The following DGKI variants were observed in gnomAD, a reference collection of about 807,000 sequenced individuals.
The protein encoded by DGKI is DAG kinase iota.
A neutral mutation model predicts 147.5 loss-of-function variants in DGKI; 55 were observed. The ratio of observed to expected loss-of-function variants is 0.37; its 90% CI spans 0.30 to 0.47. DGKI has a LOEUF of 0.47. Among genes scored for constraint, DGKI ranks in the 20% least tolerant of loss-of-function variants. The pLI is 1.00. For synonymous variants in DGKI, 469 were observed against 477.1 expected (o/e 0.98, Z 0.22); for missense variants, 1,007 against 1,323.8 (o/e 0.76, Z 3.71).
intron 6 of DGKI, among the ~76,000 whole-genome samples, chr7:137,643,313 A>G: frequency 6.6e-6 from 1 of 150,980 alleles, no homozygotes; most frequent in African/African-American, 2.4e-5. Flanking sequence ...AAAAAAAAAA[A>G]AAAGTCTATG....
chr7:137,502,264 G>A (rs2128943065), intron 21 of DGKI, among the ~76,000 whole-genome samples: 1 of 152,220 alleles, frequency 6.6e-6, no homozygotes, highest in Admixed American at 6.5e-5. Flanking sequence ...TTACGTGAGT[G>A]AATCATACTC....
Position 137,628,265 on chromosome 7 carries a change from C to T in DGKI, c.805-4711G>A, listed in dbSNP as rs1821013217. 2.6e-5 allele frequency among the ~76,000 whole-genome samples: 4 copies of T among 152,166 alleles called. No homozygotes were observed. The South Asian group carries it at 8.3e-4, about 32-fold the overall frequency. On this transcript the variant is annotated intron_variant, in intron 6 of 32. Transcript: ENST00000614521. Reference sequence around the variant, plus strand: ...CCGATACTAGAAACAAACAATAAGGCCAATCACAATTGGGGCACTGGGCAC... The same window carrying T: ...CCGATACTAGAAACAAACAATAAGGTCAATCACAATTGGGGCACTGGGCAC...
chr7:137,771,841 C>T (rs1235574845), intron 1 of DGKI: 1 of 152,174 alleles, frequency 6.6e-6, no homozygotes, highest in Non-Finnish European at 1.5e-5. Flanking sequence ...TTGTCTCCAA[C>T]TCGAACTGGG....
Position 137,846,960 on chromosome 7 carries a change from G to T in DGKI, c.-98C>A. Reference sequence around the variant, plus strand: ...CGCTCCCCGCCTCCCGCGCCCTCCCGCGCCGGCCCGCACCCTCCAGCCCCG... The same window carrying T: ...CGCTCCCCGCCTCCCGCGCCCTCCCTCGCCGGCCCGCACCCTCCAGCCCCG... On this transcript the variant is annotated 5_prime_UTR_variant, in exon 1 of 33. Coordinates refer to ENST00000614521, the MANE Select transcript of DGKI (RefSeq NM_001321708.2). The surrounding 1 kb of genome is among the most constrained non-coding windows in gnomAD (Gnocchi z 4.0). The T allele has an allele frequency of 1.1e-6, 1 of 931,022 alleles. No individual in the cohort carries two copies. The highest frequency in any genetic ancestry group is 1.3e-6 in the Non-Finnish European group (1 of 770,802). The allele number at this position is 931,022 out of a possible 1,614,324, so 57.7% of individuals were successfully genotyped here.
At chr7:137,412,244 A>G in intron 28 of DGKI, 37 bp from the exon 29 acceptor site, 1 of 1,584,426 alleles carries the variant, frequency 6.3e-7, no homozygotes, top group South Asian at 1.1e-5. Context: ...CATTAGTAGA[A>G]GACCCTCTTA....
intron 1 of DGKI, among the ~76,000 whole-genome samples, chr7:137,715,920 AG>A (rs1226438968): frequency 1.3e-5 from 2 of 152,162 alleles, no homozygotes; most frequent in East Asian, 1.9e-4. Context: ...TGCTGTCAAG[AG>A]GGGAAAGCAG....
chr7:137,728,957 G>T (rs962995676), intron 1 of DGKI, among the ~76,000 whole-genome samples: 1 of 152,068 alleles, frequency 6.6e-6, no homozygotes, highest in Admixed American at 6.6e-5. Flanking sequence ...TTGGGTGATA[G>T]GCCATCTGCC....
intron 27 of DGKI, among the ~76,000 whole-genome samples, chr7:137,452,305 T>C (rs1314170777): frequency 1.3e-5 from 2 of 152,182 alleles, no homozygotes; most frequent in Non-Finnish European, 2.9e-5. Context: ...CCACAGACTA[T>C]GGATGGAGTA....
intron 1 of DGKI, among the ~76,000 whole-genome samples, chr7:137,834,254 T>C (rs1326497549): frequency 6.6e-6 from 1 of 152,206 alleles, no homozygotes; most frequent in Non-Finnish European, 1.5e-5. Flanking sequence ...GGGAAGTCAA[T>C]GTTTTAGATC....
intron 21 of DGKI, among the ~76,000 whole-genome samples, chr7:137,517,328 AAAGAAAG>A (rs1816805478): frequency 7.1e-6 from 1 of 141,470 alleles, no homozygotes; most frequent in African/African-American, 2.7e-5. Context: ...AGAAAGAAAG[AAAGAAAG>A]AAAGAGAAAG....
At chr7:137,739,647 T>G (rs1056934106) in intron 1 of DGKI, among the ~76,000 whole-genome samples, 3 of 152,094 alleles carry the variant, frequency 2.0e-5, no homozygotes, top group Non-Finnish European at 2.9e-5. Context: ...GCACACAACA[T>G]AGTCAGAATG....
chr7:137,451,330 C>T (rs910004466), intron 27 of DGKI, among the ~76,000 whole-genome samples: 1 of 152,160 alleles, frequency 6.6e-6, no homozygotes, highest in South Asian at 2.1e-4. Context: ...AGAGATATCA[C>T]AAATCAGGGA....
chr7:137,675,764 G>A (rs1459003211), intron 3 of DGKI, among the ~76,000 whole-genome samples: 5 of 151,796 alleles, frequency 3.3e-5, no homozygotes. Flanking sequence ...GAGCAAAGAG[G>A]GAAACAGGAG....
chr7:137,549,633 T>C (rs1396635224), intron 20 of DGKI, among the ~76,000 whole-genome samples: 2 of 152,226 alleles, frequency 1.3e-5, no homozygotes, highest in African/African-American at 2.4e-5. Context: ...TCTTTCTTCA[T>C]TGTTTCAAAT....
chr7:137,535,467 T>C (rs899315712), intron 20 of DGKI, among the ~76,000 whole-genome samples: 4 of 151,998 alleles, frequency 2.6e-5, no homozygotes, highest in South Asian at 2.1e-4. Context: ...TTCATAAATG[T>C]TTCCCCCTCC....
chr7:137,791,950 A>G (rs1796867232), intron 1 of DGKI, among the ~76,000 whole-genome samples: 1 of 152,252 alleles, frequency 6.6e-6, no homozygotes, highest in Non-Finnish European at 1.5e-5. Flanking sequence ...GCCACAACTC[A>G]TTAAGTTGGC....
intron 1 of DGKI, among the ~76,000 whole-genome samples, chr7:137,734,309 A>G (rs1794963448): frequency 6.6e-6 from 1 of 152,032 alleles, no homozygotes; most frequent in Non-Finnish European, 1.5e-5. Flanking sequence ...TGACTGCAAG[A>G]TCTCTCCTTG....
rs1187775873 is a variant in DGKI, at chr7:137,382,128, A to G, written c.*9092T>C. On this transcript the variant is annotated 3_prime_UTR_variant, in exon 33 of 33. Coordinates refer to ENST00000614521, the MANE Select transcript of DGKI (RefSeq NM_001321708.2). ...CACCAACACCTATAAATTTGAAATTACCTATAAATTTGAAACAAAAAATAG... is the reference window on the plus strand; with the variant it reads ...CACCAACACCTATAAATTTGAAATTGCCTATAAATTTGAAACAAAAAATAG... 2.0e-5 allele frequency: 3 copies of G among 152,224 alleles called. No individual in the cohort carries two copies. Among genetic ancestry groups the G allele is most frequent in the East Asian group, 3.9e-4 (2 of 5,178 alleles). The allele number at this position is 152,224 out of a possible 1,614,324, so 9.4% of individuals were successfully genotyped here. A position where few individuals can be genotyped will look rare whatever the true frequency, so the allele number is the denominator to read the frequency against.
At chr7:137,800,460 C>T (rs1797167492) in intron 1 of DGKI, among the ~76,000 whole-genome samples, 1 of 152,052 alleles carries the variant, frequency 6.6e-6, no homozygotes, top group South Asian at 2.1e-4. Context: ...CTCAGTTTTG[C>T]TCCTTCTCCT....
Sources: gnomAD v4.1 joint callset for allele counts (sites outside exome capture counted in the v4.1 genomes callset) on GRCh38, gnomAD v4.1.1 for gene constraint, Gnocchi (gnomAD v3.1) non-coding constraint, MANE v1.5 for transcripts, NCBI Gene and HGNC (gene_info 2026-07-23, HGNC 2026-07-21) for gene names.